TTC28: variants seen among roughly 807,000 people sequenced by gnomAD.
TTC28 encodes tetratricopeptide repeat domain 28.
In TTC28, 61 loss-of-function variants were observed where a neutral mutation model predicts 198.0. The observed-to-expected ratio is 0.31, with a 90% CI of 0.25 to 0.38. The LOEUF (loss-of-function observed/expected upper bound fraction) is 0.38, where lower values mean the gene tolerates loss of function less well. Ranked by LOEUF, TTC28 falls within the 10% of genes least tolerant of loss-of-function variation. TTC28 has a pLI of 1.00. For synonymous variants in TTC28, 1,171 were observed against 1,297.8 expected, an observed-to-expected ratio of 0.90 and a Z score of 2.10; for missense variants, 2,678 against 3,164.0, an observed-to-expected ratio of 0.85 and a Z score of 3.69.
chr22:28,206,955 G>A (rs140271489), intron 5 of TTC28, among the ~76,000 whole-genome samples: 9 of 152,250 alleles, frequency 5.9e-5, no homozygotes, highest in Non-Finnish European at 7.4e-5. Flanking sequence ...AGTAAAACTC[G>A]AAGGACAAGA....
chr22:28,085,344 G>A (rs1941542731), intron 12 of TTC28, among the ~76,000 whole-genome samples: 4 of 152,144 alleles, frequency 2.6e-5, no homozygotes, highest in South Asian at 2.1e-4. Context: ...AGAAGAGAGT[G>A]GGGGCCAATA....
At chr22:28,081,308 G>A (rs1468081166) in intron 12 of TTC28, among the ~76,000 whole-genome samples, 1 of 151,896 alleles carries the variant, frequency 6.6e-6, no homozygotes, top group Non-Finnish European at 1.5e-5. Flanking sequence ...ATCCACCCAA[G>A]TAGCTGGGAT....
rs190725870 is a variant in TTC28 at position 28,312,257 on chromosome 22, A to G, written c.382-5614T>C. 2.0e-5 allele frequency among the ~76,000 whole-genome samples: 3 copies of G among 152,204 alleles called. No individual in the cohort carries two copies. The East Asian group carries it at 5.9e-4, about 30-fold the overall frequency. On this transcript the variant is annotated intron_variant, in intron 2 of 22. Coordinates refer to ENST00000397906, the MANE Select transcript of TTC28 (RefSeq NM_001145418.2). The stretch of plus-strand genomic sequence containing the variant: ...ACAAAGAGACTTAGACTCCCACACA[A>G]TAATAGTGGGAGACTTTAACACCCC...
At chr22:28,354,302 G>A (rs1290680446) in intron 2 of TTC28, among the ~76,000 whole-genome samples, 4 of 151,990 alleles carry the variant, frequency 2.6e-5, no homozygotes. Context: ...ATACATAGAT[G>A]AATACAATGT....
At chr22:28,084,454 T>A (rs202078093) in intron 12 of TTC28, among the ~76,000 whole-genome samples, 11,683 of 152,150 alleles carry the variant, frequency 0.077, 467 homozygotes, top group South Asian at 0.089. Flanking sequence ...GAGGGTCCTG[T>A]CTGTTAGAAG....
At chr22:28,303,424 A>G (rs1272766986) in intron 3 of TTC28, among the ~76,000 whole-genome samples, 2 of 152,228 alleles carry the variant, frequency 1.3e-5, no homozygotes, top group Non-Finnish European at 2.9e-5. Flanking sequence ...ATAAAATAAT[A>G]TAAGTATATC....
intron 5 of TTC28, among the ~76,000 whole-genome samples, chr22:28,272,029 G>C (rs936276752): frequency 7.2e-5 from 11 of 152,116 alleles, no homozygotes; most frequent in African/African-American, 2.7e-4. Context: ...TTGTAACTGA[G>C]AGTCCATTAA....
At chr22:28,424,689 C>G (rs1054097656) in intron 2 of TTC28, among the ~76,000 whole-genome samples, 2 of 152,202 alleles carry the variant, frequency 1.3e-5, no homozygotes, top group African/African-American at 4.8e-5. Flanking sequence ...TTTCTCACCT[C>G]TGGGCTTTAT....
At chr22:28,514,600 T>C (rs2048746588) in intron 2 of TTC28, among the ~76,000 whole-genome samples, 1 of 152,246 alleles carries the variant, frequency 6.6e-6, no homozygotes, top group Admixed American at 6.5e-5. Context: ...ACTGGTGATC[T>C]GATCAGGCTC....
intron 2 of TTC28, among the ~76,000 whole-genome samples, chr22:28,353,370 G>A (rs1477919595): frequency 6.6e-6 from 1 of 152,012 alleles, no homozygotes; most frequent in African/African-American, 2.4e-5. Flanking sequence ...GAATCTCAAG[G>A]GACCCTGAAT....
At chr22:28,674,203 C>G (rs1468744687) in intron 1 of TTC28, among the ~76,000 whole-genome samples, 1 of 147,754 alleles carries the variant, frequency 6.8e-6, no homozygotes, top group African/African-American at 2.5e-5. Context: ...TTTCTTGGGT[C>G]GTAGAAAGGT....
rs148045949 is a variant in TTC28 at position 28,678,300 on chromosome 22, T to A, written c.102+1322A>T. ...CACAACCTTGGCTCACTGCAACTTG[T>A]ACTTCCTGAGCTCAAGCGATCCTCC... On this transcript the variant is annotated intron_variant, in intron 1 of 22. Coordinates refer to ENST00000397906, the MANE Select transcript of TTC28 (RefSeq NM_001145418.2). Among the ~76,000 whole-genome samples the A allele has an allele frequency of 3.3e-3, 499 of 152,344 alleles. 2 individuals are homozygous for A. Among genetic ancestry groups the A allele is most frequent in the African/African-American group, 0.012 (484 of 41,580 alleles).
chr22:28,327,310 G>T (rs987922002), intron 2 of TTC28, among the ~76,000 whole-genome samples: 19 of 152,000 alleles, frequency 1.3e-4, no homozygotes, highest in Middle Eastern at 3.4e-3. Flanking sequence ...CCTTTTTGTT[G>T]ATTTCACTGT....
chr22:28,405,004 G>GATTTTATTGAC (rs2046978933), intron 2 of TTC28, among the ~76,000 whole-genome samples: 1 of 152,156 alleles, frequency 6.6e-6, no homozygotes, highest in Non-Finnish European at 1.5e-5. Flanking sequence ...TGAGACAAGA[G>GATTTTATTGAC]ATTTTATTGA....
intron 2 of TTC28, among the ~76,000 whole-genome samples, chr22:28,506,218 T>G (rs2048610942): frequency 6.6e-6 from 1 of 151,190 alleles, no homozygotes; most frequent in Non-Finnish European, 1.5e-5. Context: ...CGTTCCAGCC[T>G]GCCAGCTTTG....
At chr22:28,641,783 C>A (rs1037382940) in intron 1 of TTC28, among the ~76,000 whole-genome samples, 15 of 151,906 alleles carry the variant, frequency 9.9e-5, no homozygotes, top group African/African-American at 3.6e-4. Flanking sequence ...CAGAGGAATG[C>A]AGGAGGGAAT....
chr22:27,997,765 G>A (rs1395023331), intron 16 of TTC28: 1 of 152,316 alleles, frequency 6.6e-6, no homozygotes, highest in African/African-American at 2.4e-5. Flanking sequence ...AGTCCCGGCT[G>A]GCCGAGAGGC....
chr22:28,653,758 GCTA>G (rs755581597), intron 1 of TTC28, among the ~76,000 whole-genome samples: 30 of 152,136 alleles, frequency 2.0e-4, no homozygotes, highest in Non-Finnish European at 3.8e-4. Context: ...TAATAAGCCA[GCTA>G]CTCCTTTTGT....
At chr22:28,144,517 T>C (rs984516594) in intron 6 of TTC28, among the ~76,000 whole-genome samples, 2 of 152,268 alleles carry the variant, frequency 1.3e-5, no homozygotes, top group Admixed American at 6.5e-5. Flanking sequence ...CCAAAATTGC[T>C]GTGCTATGGT....
Sources: gnomAD v4.1 joint callset for allele counts (sites outside exome capture counted in the v4.1 genomes callset) on GRCh38, gnomAD v4.1.1 for gene constraint, MANE v1.5 for transcripts, NCBI Gene and HGNC (gene_info 2026-07-23, HGNC 2026-07-21) for gene names.